Variants in ZDHHC20 observed in about 807,000 individuals in gnomAD.
The protein encoded by ZDHHC20 is palmitoyltransferase ZDHHC20.
ZDHHC20 carries 43 observed loss-of-function variants against 57.8 expected under a neutral mutation model. The ratio of observed to expected loss-of-function variants is 0.74; its 90% CI spans 0.58 to 0.96. The LOEUF is 0.96. ZDHHC20 is among the 40% of genes least tolerant of loss of function. The pLI, the probability that ZDHHC20 is intolerant of heterozygous loss-of-function variation, is 0.00. For missense variants in ZDHHC20, 391 were observed against 441.1 expected (o/e 0.89, Z 1.02); for synonymous variants, 157 against 153.0 (o/e 1.03, Z -0.19).
At chr13:21,442,785 A>C (rs934131034) in intron 1 of ZDHHC20, among the ~76,000 whole-genome samples, 6 of 151,832 alleles carry the variant, frequency 4.0e-5, no homozygotes, top group Admixed American at 3.3e-4. Flanking sequence ...TTTGACTTGC[A>C]GTTTCTTTTA....
At chr13:21,417,333 C>T (rs9580109) in intron 3 of ZDHHC20, among the ~76,000 whole-genome samples, 26,390 of 151,754 alleles carry the variant, frequency 0.17, 2,817 homozygotes, top group Non-Finnish European at 0.25. Flanking sequence ...GTCTGATATC[C>T]GGTGGGTGGT....
intron 9 of ZDHHC20, among the ~76,000 whole-genome samples, chr13:21,386,066 TAA>T (rs1218249442): frequency 6.6e-6 from 1 of 152,218 alleles, no homozygotes; most frequent in Non-Finnish European, 1.5e-5. Context: ...TCAAAACAAG[TAA>T]TCTGTGTTCC....
At chr13:21,383,497 G>C (rs1455788306) in intron 9 of ZDHHC20, among the ~76,000 whole-genome samples, 1 of 152,166 alleles carries the variant, frequency 6.6e-6, no homozygotes, top group Non-Finnish European at 1.5e-5. Flanking sequence ...GTCTTCATTA[G>C]CAGTGTGAGA....
chr13:21,385,498 G>A (rs1874303327), intron 9 of ZDHHC20, among the ~76,000 whole-genome samples: 1 of 152,158 alleles, frequency 6.6e-6, no homozygotes, highest in Non-Finnish European at 1.5e-5. Context: ...CAGCAGGCTA[G>A]ACATTATAGA....
intron 7 of ZDHHC20, among the ~76,000 whole-genome samples, chr13:21,400,006 T>G (rs757491367): frequency 1.4e-3 from 210 of 151,748 alleles, no homozygotes; most frequent in Non-Finnish European, 2.5e-3. Context: ...TGCCTGGGGC[T>G]GAGGCAACCA....
rs189959263 is a variant in ZDHHC20 at position 21,428,538 on chromosome 13, A to G, written c.119-2860T>C. ...CCAGGCCCAAACTATGTTTTTTAAA[A>G]ATTCTTTTGATGACAAAACCAAGCT... is the stretch of plus-strand genomic sequence containing the variant. On this transcript the variant is annotated intron_variant, in intron 1 of 12. Transcript: ENST00000400590. Among the ~76,000 whole-genome samples the G allele has an allele frequency of 9.8e-4, 149 of 151,880 alleles. 1 individual carries two copies. Among genetic ancestry groups the G allele is most frequent in the African/African-American group, 3.4e-3 (142 of 41,452 alleles).
chr13:21,456,989 C>T (rs1387792729), intron 1 of ZDHHC20, among the ~76,000 whole-genome samples: 1 of 152,152 alleles, frequency 6.6e-6, no homozygotes, highest in Non-Finnish European at 1.5e-5. Context: ...ACCAAAAGGA[C>T]CTATTCGCTC....
chr13:21,395,499 T>TC (rs1165417919), intron 7 of ZDHHC20, among the ~76,000 whole-genome samples: 4 of 145,254 alleles, frequency 2.8e-5, no homozygotes, highest in Non-Finnish European at 4.6e-5. Context: ...TTCTTTTCTT[T>TC]TTTTTTTTTT....
At chr13:21,378,491 A>C (rs1212527960) in intron 12 of ZDHHC20, among the ~76,000 whole-genome samples, 170 bp downstream of exon 12, 1 of 152,204 alleles carries the variant, frequency 6.6e-6, no homozygotes, top group Non-Finnish European at 1.5e-5. Flanking sequence ...TTCTATAAGG[A>C]ATAAGGAAAA....
intron 1 of ZDHHC20, among the ~76,000 whole-genome samples, chr13:21,426,763 G>A (rs995256767): frequency 1.1e-4 from 17 of 151,880 alleles, no homozygotes; most frequent in East Asian, 1.9e-4. Context: ...GTGCCACCAC[G>A]CCTGGCTAAT....
chr13:21,381,374 T>A, intron 11 of ZDHHC20, 60 bp downstream of exon 11: 2 of 1,273,752 alleles, frequency 1.6e-6, no homozygotes, highest in Non-Finnish European at 2.3e-6. Flanking sequence ...TCCACATGTA[T>A]TATATCTGGT....
chr13:21,376,548 T>C lies in ZDHHC20; in HGVS notation c.*148A>G. 5.3e-6 allele frequency: 5 copies of C among 947,190 alleles called. No individual in the cohort carries two copies. The highest frequency in any genetic ancestry group is 7.5e-6 in the Non-Finnish European group (5 of 666,594). The allele number at this position is 947,190 out of a possible 1,614,324, so 58.7% of individuals were successfully genotyped here. A position where few individuals can be genotyped will look rare whatever the true frequency, so the allele number is the denominator to read the frequency against. On this transcript the variant is annotated 3_prime_UTR_variant, in exon 13 of 13. Coordinates refer to ENST00000400590, the MANE Select transcript of ZDHHC20 (RefSeq NM_001330059.2). ...GAATCCCAGGAACTGTACAAAGGCTTTCCGTTTTAAAAAATATATCTTCTG... is the reference window on the plus strand; with the variant it reads ...GAATCCCAGGAACTGTACAAAGGCTCTCCGTTTTAAAAAATATATCTTCTG...
chr13:21,418,661 CT>C (rs1440313589), intron 3 of ZDHHC20, among the ~76,000 whole-genome samples: 1 of 152,060 alleles, frequency 6.6e-6, no homozygotes, highest in Non-Finnish European at 1.5e-5. Context: ...AGTCCAGAGT[CT>C]GTGTGGTACT....
intron 4 of ZDHHC20, among the ~76,000 whole-genome samples, chr13:21,405,321 TTTAA>T (rs1329073312): frequency 1.3e-5 from 2 of 152,346 alleles, no homozygotes; most frequent in African/African-American, 4.8e-5. Context: ...AAATACATAA[TTTAA>T]TTGACTTTTC....
intron 1 of ZDHHC20, among the ~76,000 whole-genome samples, chr13:21,452,283 G>A (rs898786980): frequency 5.3e-5 from 8 of 152,154 alleles, no homozygotes; most frequent in Non-Finnish European, 1.2e-4. Flanking sequence ...TGTGATGACT[G>A]CAAAACTTGG....
At chr13:21,405,277 T>C (rs1878286019) in intron 4 of ZDHHC20, among the ~76,000 whole-genome samples, 2 of 152,204 alleles carry the variant, frequency 1.3e-5, no homozygotes, top group Non-Finnish European at 2.9e-5. Context: ...GCCTTTAAAA[T>C]AAAATATTCA....
intron 1 of ZDHHC20, among the ~76,000 whole-genome samples, chr13:21,437,138 C>A (rs1882636325): frequency 6.6e-6 from 1 of 152,192 alleles, no homozygotes. Context: ...AAAGTCCTAA[C>A]TCTCTTTAAT....
chr13:21,378,509 T>C (rs1289983704), intron 12 of ZDHHC20, among the ~76,000 whole-genome samples, 152 bp downstream of exon 12: 1 of 152,216 alleles, frequency 6.6e-6, no homozygotes, highest in Non-Finnish European at 1.5e-5. Flanking sequence ...AAATGAGATT[T>C]GGGCAGATGT....
In ZDHHC20 at chr13:21,374,995, A is replaced by G; in HGVS notation, c.*1701T>C. 2 of 382,078 alleles carry G rather than the reference A, an allele frequency of 5.2e-6. No individual in the cohort carries two copies. The highest frequency in any genetic ancestry group is 1.0e-5 in the Non-Finnish European group (2 of 196,290). 23.7% of individuals were successfully genotyped at this position (382,078 alleles called of 1,614,324 possible). The stretch of plus-strand genomic sequence containing the variant: ...CTAAAAATGTGAAAATTAGCCGGGC[A>G]TGGTGGCATGAGCCTGTAATCCCAG... On this transcript the variant is annotated 3_prime_UTR_variant, in exon 13 of 13. Coordinates refer to ENST00000400590, the MANE Select transcript of ZDHHC20 (RefSeq NM_001330059.2).
Sources: gnomAD v4.1 joint callset for allele counts (sites outside exome capture counted in the v4.1 genomes callset) on GRCh38, gnomAD v4.1.1 for gene constraint, MANE v1.5 for transcripts, NCBI Gene and HGNC (gene_info 2026-07-23, HGNC 2026-07-21) for gene names.